Variants in ALKBH5 observed in about 807,000 individuals in gnomAD.
The protein encoded by ALKBH5 is alkB homolog 5, RNA demethylase.
Under a neutral mutation model 32.1 loss-of-function variants are expected in ALKBH5, and 2 were observed. That is an observed-to-expected ratio of 0.06 (90% CI 0.03 to 0.20). The LOEUF is 0.20. Among genes scored for constraint, ALKBH5 ranks in the 10% least tolerant of loss-of-function variants. ALKBH5 has a pLI of 1.00. For synonymous variants in ALKBH5, 300 were observed against 231.7 expected (o/e 1.29, Z -2.68); for missense variants, 352 against 559.5 (o/e 0.63, Z 3.74).
intron 2 of ALKBH5, among the ~76,000 whole-genome samples, chr17:18,200,112 A>T (rs201406334): frequency 2.2e-3 from 294 of 135,516 alleles, no homozygotes; most frequent in African/African-American, 7.1e-3. Flanking sequence ...AAAAAAAAAA[A>T]TTTTTTTTTT....
intron 2 of ALKBH5, among the ~76,000 whole-genome samples, chr17:18,203,090 AAG>A (rs1402419379): frequency 6.6e-6 from 1 of 151,110 alleles, no homozygotes. Context: ...AAAAAAAAAA[AAG>A]AGTTTAAATA....
Position 18,209,126 on chromosome 17 carries a change from C to T in ALKBH5, c.*730C>T, listed in dbSNP as rs2047289468. ...CCTGACCTCTCTTATCAAGAGCACACTTCTTTGCTGGTTGCTCCTTTTGAG... is the reference window on the plus strand; with the variant it reads ...CCTGACCTCTCTTATCAAGAGCACATTTCTTTGCTGGTTGCTCCTTTTGAG... On this transcript the variant is annotated 3_prime_UTR_variant, in exon 4 of 4. Coordinates refer to ENST00000399138, the MANE Select transcript of ALKBH5 (RefSeq NM_017758.4). 6.5e-6 allele frequency: 1 copy of T among 153,330 alleles called. No homozygotes were observed. The highest frequency in any genetic ancestry group is 1.5e-5 in the Non-Finnish European group (1 of 68,522). The allele number at this position is 153,330 out of a possible 1,614,324, so 9.5% of individuals were successfully genotyped here. A position where few individuals can be genotyped will look rare whatever the true frequency, so the allele number is the denominator to read the frequency against.
At position 18,206,955 on chromosome 17, in the gene ALKBH5, C is replaced by G; in HGVS notation, c.992C>G (p.Pro331Arg). ...AAGCGGTCCCACCGCAAGGCAGACC[C>G]TGATGCTGCCCACAGGTACTCAGTT... The part of the protein sequence containing the change: ...KPKRSHRKAD[P>R]DAAHRPRILE... Residue 331 changes from proline to arginine, a missense_variant, in exon 3 of 4, where the codon CCT (proline) becomes CGT (arginine). By Grantham distance (103) the Pro-to-Arg change is moderately radical. Around this residue, in one of 4 missense-constraint regions of ALKBH5, gnomAD observed 124 missense variants for 142.4 expected, o/e 0.87. Coordinates refer to ENST00000399138, the MANE Select transcript of ALKBH5 (RefSeq NM_017758.4). The G allele has an allele frequency of 6.2e-7, 1 of 1,614,224 alleles. No homozygotes were observed. The highest frequency in any genetic ancestry group is 8.5e-7 in the Non-Finnish European group (1 of 1,180,034).
At position 18,208,411 on chromosome 17, in the gene ALKBH5, C is replaced by T. The variant is rs1471933761; in HGVS notation, c.*15C>T. 6.2e-7 allele frequency: 1 copy of T among 1,610,156 alleles called. No homozygotes were observed. Among genetic ancestry groups the T allele is most frequent in the South Asian group, 1.1e-5 (1 of 90,680 alleles). On this transcript the variant is annotated 3_prime_UTR_variant, in exon 4 of 4. Coordinates refer to ENST00000399138, the MANE Select transcript of ALKBH5 (RefSeq NM_017758.4). ...GGCGGCACTGAGTCTACCCGCCGCCCTCCTGGGAACTCTGGCTCATCCTTA... is the reference window on the plus strand; with the variant it reads ...GGCGGCACTGAGTCTACCCGCCGCCTTCCTGGGAACTCTGGCTCATCCTTA...
intron 1 of ALKBH5, among the ~76,000 whole-genome samples, chr17:18,186,715 G>A (rs113165421): frequency 6.6e-6 from 1 of 152,196 alleles, no homozygotes; most frequent in African/African-American, 2.4e-5. Flanking sequence ...GAATAGTAAA[G>A]TCCTAAAGCT....
At chr17:18,204,989 G>A (rs146524675) in intron 2 of ALKBH5, among the ~76,000 whole-genome samples, 1 of 152,140 alleles carries the variant, frequency 6.6e-6, no homozygotes, top group East Asian at 1.9e-4. Flanking sequence ...GTTCAAGGCT[G>A]CAGTGAGTTA....
rs905909054 is a variant in ALKBH5 at position 18,184,154 on chromosome 17, C to T, written c.-90C>T. ...GGGGTTCGGCGCTAAGGACCCCCCT[C>T]CCTCCGGGGGCCCCGGGGCGCGTCC... On this transcript the variant is annotated 5_prime_UTR_variant, in exon 1 of 4. Coordinates refer to ENST00000399138, the MANE Select transcript of ALKBH5 (RefSeq NM_017758.4). 34 of 1,197,168 alleles carry T rather than the reference C, an allele frequency of 2.8e-5. No individual in the cohort carries two copies. Among genetic ancestry groups the T allele is most frequent in the Non-Finnish European group, 3.7e-5 (32 of 875,536 alleles). 74.2% of individuals were successfully genotyped at this position (1,197,168 alleles called of 1,614,324 possible).
chr17:18,198,410 T>G (rs1440596083), intron 2 of ALKBH5, among the ~76,000 whole-genome samples: 2 of 152,188 alleles, frequency 1.3e-5, no homozygotes, highest in Non-Finnish European at 2.9e-5. Context: ...CTACATGGGT[T>G]TGTCTTGGGA....
chr17:18,209,029 C>T lies in ALKBH5; in HGVS notation c.*633C>T, dbSNP rs1257074839. 5 of 165,594 alleles carry T rather than the reference C, an allele frequency of 3.0e-5. No homozygotes were observed. Among genetic ancestry groups the T allele is most frequent in the Non-Finnish European group, 5.3e-5 (4 of 75,790 alleles). The allele number at this position is 165,594 out of a possible 1,614,324, so 10.3% of individuals were successfully genotyped here. A position where few individuals can be genotyped will look rare whatever the true frequency, so the allele number is the denominator to read the frequency against. On this transcript the variant is annotated 3_prime_UTR_variant, in exon 4 of 4. Coordinates refer to ENST00000399138, the MANE Select transcript of ALKBH5 (RefSeq NM_017758.4). ...CAAAGCTATTGTTAAGCCCCCCAGG[C>T]GTCCTCCACCCACGCCCACTAGCCT...
At chr17:18,189,371 CAG>C (rs2047159945) in intron 1 of ALKBH5, among the ~76,000 whole-genome samples, 1 of 152,018 alleles carries the variant, frequency 6.6e-6, no homozygotes. Context: ...GCCTGGGCGA[CAG>C]AGCAAGACTC....
Position 18,198,448 on chromosome 17 carries a change from G to C in ALKBH5, c.851+3413G>C, listed in dbSNP as rs563113486. On this transcript the variant is annotated intron_variant, in intron 2 of 3. Coordinates refer to ENST00000399138, the MANE Select transcript of ALKBH5 (RefSeq NM_017758.4). ...GGACGGGTTGTGACAAGTTTAAAAA[G>C]GGGAGCATCTTGGCCCAGGCATTGC... Among the ~76,000 whole-genome samples the C allele has an allele frequency of 2.5e-4, 38 of 152,306 alleles. No individual in the cohort carries two copies. In the South Asian group the frequency reaches 7.2e-3, roughly 29 times the overall value.
intron 1 of ALKBH5, among the ~76,000 whole-genome samples, chr17:18,187,250 C>T (rs561578207): frequency 1.3e-5 from 2 of 152,024 alleles, no homozygotes; most frequent in South Asian, 4.1e-4. Context: ...ATGAGCCAAG[C>T]AGAGAAAGGT....
intron 2 of ALKBH5, among the ~76,000 whole-genome samples, chr17:18,202,901 C>G (rs2047250078): frequency 1.3e-5 from 2 of 152,046 alleles, no homozygotes; most frequent in South Asian, 2.1e-4. Flanking sequence ...TGGTGAAACC[C>G]TGTCCCTACT....
At chr17:18,187,323 G>A (rs2047145213) in intron 1 of ALKBH5, among the ~76,000 whole-genome samples, 1 of 152,056 alleles carries the variant, frequency 6.6e-6, no homozygotes, top group South Asian at 2.1e-4. Context: ...GGTAAGAGGG[G>A]GTGGATGTTG....
At position 18,203,642 on chromosome 17, in the gene ALKBH5, ACT is replaced by A. The variant is rs574687626; in HGVS notation, c.852-3168_852-3167del. On this transcript the variant is annotated intron_variant, in intron 2 of 3. Coordinates refer to ENST00000399138, the MANE Select transcript of ALKBH5 (RefSeq NM_017758.4). ...TGAGCCTCCTGAATCCAGATTTGTG[ACT>A]CTCTGCTAAACCCTGAGGACCTGGC... Among the ~76,000 whole-genome samples, 17 of 152,172 alleles carry A rather than the reference ACT, an allele frequency of 1.1e-4. No homozygotes were observed. In the East Asian group the frequency reaches 2.3e-3, roughly 21 times the overall value.
chr17:18,194,863 G>A, intron 1 of ALKBH5, 92 bp from the exon 2 acceptor site: 4 of 1,030,912 alleles, frequency 3.9e-6, no homozygotes, highest in Non-Finnish European at 5.9e-6. Context: ...GCAGCCGTAA[G>A]ACCTAGGCCA....
At chr17:18,197,645 C>T (rs2047211973) in intron 2 of ALKBH5, among the ~76,000 whole-genome samples, 1 of 152,216 alleles carries the variant, frequency 6.6e-6, no homozygotes, top group Non-Finnish European at 1.5e-5. Context: ...ACCTGGCCGC[C>T]CAGTCCAACT....
intron 1 of ALKBH5, among the ~76,000 whole-genome samples, chr17:18,189,010 T>C (rs961115437): frequency 6.6e-6 from 1 of 151,752 alleles, no homozygotes; most frequent in African/African-American, 2.4e-5. Context: ...GAGGTTGCAA[T>C]GAGCCGAGAT....
At chr17:18,206,700 C>A (rs902336009) in intron 2 of ALKBH5, 115 bp from the exon 3 acceptor site, 30 of 1,162,102 alleles carry the variant, frequency 2.6e-5, no homozygotes, top group Non-Finnish European at 3.5e-5. Context: ...AGAGCAGAGA[C>A]TGCTGGCTTC....
Sources: gnomAD v4.1 joint callset for allele counts (sites outside exome capture counted in the v4.1 genomes callset) on GRCh38, gnomAD v4.1.1 for gene constraint, gnomAD v4.1.1 regional missense constraint, MANE v1.5 for transcripts, NCBI Gene and HGNC (gene_info 2026-07-23, HGNC 2026-07-21) for gene names.